MYH13: variants seen among roughly 807,000 people sequenced by gnomAD.
The protein encoded by MYH13 is myosin heavy chain 13.
Under a neutral mutation model 232.1 loss-of-function variants are expected in MYH13, and 177 were observed. That is an observed-to-expected ratio of 0.76 (90% CI 0.67 to 0.86). MYH13 has a LOEUF of 0.86. Ranked by LOEUF, MYH13 falls within the 40% of genes least tolerant of loss-of-function variation. MYH13 has a pLI of 0.00. For missense variants in MYH13, 2,246 were observed against 2,405.9 expected, an observed-to-expected ratio of 0.93 and a Z score of 1.39; for synonymous variants, 884 against 923.5, an observed-to-expected ratio of 0.96 and a Z score of 0.78.
At chr17:10,332,281 G>T (rs1472817283) in intron 19 of MYH13, 59 bp from the exon 20 acceptor site, 11 of 1,599,050 alleles carry the variant, frequency 6.9e-6, no homozygotes, top group Non-Finnish European at 8.6e-6. Flanking sequence ...TCATAGCTGA[G>T]ACCAGCCTTC....
intron 18 of MYH13, among the ~76,000 whole-genome samples, chr17:10,335,704 G>A (rs2071567977): frequency 6.6e-6 from 1 of 152,000 alleles, no homozygotes; most frequent in Non-Finnish European, 1.5e-5. Context: ...GCAGTGAGCT[G>A]AGATGGCGCC....
chr17:10,323,776 AAAAAAAAAAAAAAGAAGAAGAAGAAG>A (rs1161160114), intron 23 of MYH13, among the ~76,000 whole-genome samples: 3 of 103,144 alleles, frequency 2.9e-5, no homozygotes, highest in African/African-American at 1.0e-4. Flanking sequence ...AAAAAAAAAA[AAAAAAAAAAAAAAGAAGAAGAAGAAG>A]AAGAAGAAGA....
Position 10,360,071 on chromosome 17 carries a change from G to T in MYH13, c.534C>A (p.Thr178=). 1.2e-6 allele frequency: 2 copies of T among 1,614,030 alleles called. No individual in the cohort carries two copies. The highest frequency in any genetic ancestry group is 1.7e-5 in the Admixed American group (1 of 60,012). The part of the protein sequence containing the change: ...TDRDNQSILI[T]GESGAGKTVN... Reference sequence around the variant, plus strand: ...CAGTCTTCCCAGCCCCGGATTCTCCGCTGCCAATTTAAAAGTAAACGGGAT... The same window carrying T: ...CAGTCTTCCCAGCCCCGGATTCTCCTCTGCCAATTTAAAAGTAAACGGGAT... Residue 178 remains threonine, a splice_region_variant and synonymous_variant, in exon 7 of 41, where the codon ACC becomes ACA. Coordinates refer to ENST00000252172, the MANE Select transcript of MYH13 (RefSeq NM_003802.3).
At position 10,332,144 on chromosome 17, in the gene MYH13, G is replaced by T. The variant is rs748717248; in HGVS notation, c.2253C>A (p.Asn751Lys). The change falls in exon 20 of 41, where the codon AAC (asparagine) becomes AAA (lysine). Residue 751 changes from asparagine (N) to lysine (K), a missense_variant. By Grantham distance (94) the Asn-to-Lys change is moderately conservative (BLOSUM62 0). Transcript: ENST00000252172. ...ACTGCTCCCGGTCCACATCGATGGA[G>T]TTGAGGAGCTTCTCTGAGGCATTTT... ...DSKNASEKLL[N>K]SIDVDREQFR... 15 of 1,613,922 alleles carry T rather than the reference G, an allele frequency of 9.3e-6. No individual in the cohort carries two copies. In the African/African-American group the frequency reaches 2.0e-4, roughly 22 times the overall value.
At position 10,311,934 on chromosome 17, in the gene MYH13, C is replaced by T; in HGVS notation, c.4508G>A (p.Arg1503Lys). ...EEVVDQLETL[R>K]RENKNLQEEI... ...ACCTTGCAGATTTTTGTTCTCTCGC[C>T]TCAGTGTCTCTAACTGGTCCACCAC... is the stretch of plus-strand genomic sequence containing the variant. The change falls in exon 32 of 41, where the codon AGG (arginine) becomes AAG (lysine). Residue 1503 changes from arginine (R) to lysine (K), a missense_variant. By Grantham distance (26) the Arg-to-Lys change is conservative (BLOSUM62 2). Transcript: ENST00000252172. 2 of 1,613,970 alleles carry T rather than the reference C, an allele frequency of 1.2e-6. No homozygotes were observed. The highest frequency in any genetic ancestry group is 1.7e-6 in the Non-Finnish European group (2 of 1,179,900).
chr17:10,348,460 G>A (rs1001604482), intron 12 of MYH13, among the ~76,000 whole-genome samples: 1 of 152,196 alleles, frequency 6.6e-6, no homozygotes, highest in South Asian at 2.1e-4. Context: ...CATGTTATAC[G>A]GTTGTCGTGA....
In MYH13 at chr17:10,301,621, G is replaced by A; in HGVS notation, c.5750C>T (p.Ala1917Val). 6.2e-7 allele frequency: 1 copy of A among 1,614,204 alleles called. No homozygotes were observed. Among genetic ancestry groups the A allele is most frequent in the Non-Finnish European group, 8.5e-7 (1 of 1,180,046 alleles). The change falls in exon 40 of 41, where the codon GCT becomes GTT. Residue 1917 changes from alanine to valine, a missense_variant. Ala to Val is a moderately conservative substitution (Grantham distance 64, BLOSUM62 0). Transcript: ENST00000252172. ...CCTCAGCTTGTTGACCTGGGACTCA[G>A]CGATGTCCGCCCTCTCCGCGGCCTC... ...LEEAAERADIAESQVNKLRAK... is the reference protein window; with the variant it reads ...LEEAAERADIVESQVNKLRAK...
intron 11 of MYH13, among the ~76,000 whole-genome samples, chr17:10,352,378 C>CT (rs903141151): frequency 6.6e-6 from 1 of 152,044 alleles, no homozygotes; most frequent in Non-Finnish European, 1.5e-5. Context: ...GATCACAAGG[C>CT]TAGGAGTTCA....
chr17:10,351,386 A>C (rs2071709951), intron 11 of MYH13, among the ~76,000 whole-genome samples: 1 of 152,114 alleles, frequency 6.6e-6, no homozygotes, highest in Non-Finnish European at 1.5e-5. Flanking sequence ...AGAGTTTGGC[A>C]TTGTAATCCA....
In MYH13 at chr17:10,309,764, C is replaced by T. The variant is rs890967500; in HGVS notation, c.4723G>A (p.Glu1575Lys). The T allele has an allele frequency of 2.5e-6, 4 of 1,601,126 alleles. No individual in the cohort carries two copies. Among genetic ancestry groups the T allele is most frequent in the Admixed American group, 1.7e-5 (1 of 58,188 alleles). ...TTCTCAATGACCTTGCGGTCTAGCTCGGATTTCACCTGGCTCAGCTCTAGC... is the reference window on the plus strand; with the variant it reads ...TTCTCAATGACCTTGCGGTCTAGCTTGGATTTCACCTGGCTCAGCTCTAGC... ...VQLELSQVKS[E>K]LDRKVIEKDE... Residue 1575 changes from glutamate to lysine, a missense_variant, in exon 34 of 41, where the codon GAG becomes AAG. Coordinates refer to ENST00000252172, the MANE Select transcript of MYH13 (RefSeq NM_003802.3).
rs1233688735 is a variant in MYH13 at position 10,311,940 on chromosome 17, G to A, written c.4502C>T (p.Thr1501Ile). ...CAGATTTTTGTTCTCTCGCCTCAGT[G>A]TCTCTAACTGGTCCACCACCTCCTC... ...AYEEVVDQLE[T>I]LRRENKNLQE... The change falls in exon 32 of 41, where the codon ACA becomes ATA. Residue 1501 changes from threonine (T) to isoleucine (I), a missense_variant. Thr to Ile is a moderately conservative substitution (Grantham distance 89, BLOSUM62 -1). Transcript: ENST00000252172. The A allele has an allele frequency of 1.2e-6, 2 of 1,613,978 alleles. No homozygotes were observed. Among genetic ancestry groups the A allele is most frequent in the Middle Eastern group, 1.6e-4 (1 of 6,062 alleles).
At chr17:10,309,935 A>C in intron 33 of MYH13, 105 bp from the exon 34 acceptor site, 1 of 1,032,784 alleles carries the variant, frequency 9.7e-7, no homozygotes, top group East Asian at 3.0e-5. Flanking sequence ...TTTTAAAAAA[A>C]TTAAATTTAA....
At chr17:10,331,980 C>T (rs77339815) in intron 20 of MYH13, 119 bp downstream of exon 20, 60,611 of 1,300,054 alleles carry the variant, frequency 0.047, 1,595 homozygotes, top group South Asian at 0.055. Context: ...CTTACCTGGG[C>T]GACTGGGCAA....
intron 24 of MYH13, among the ~76,000 whole-genome samples, chr17:10,320,710 A>C (rs1360969022): frequency 1.3e-5 from 2 of 152,186 alleles, no homozygotes; most frequent in Non-Finnish European, 2.9e-5. Flanking sequence ...TGGATCCCTC[A>C]GGGGCCTCCT....
intron 19 of MYH13, among the ~76,000 whole-genome samples, chr17:10,332,856 G>T (rs566155966): frequency 6.6e-6 from 1 of 152,344 alleles, no homozygotes; most frequent in African/African-American, 2.4e-5. Context: ...CTGGTCTAGA[G>T]TCACAATCAG....
rs1415400241 is a variant in MYH13, at chr17:10,343,782, G to T, written c.1894+18C>A. 3 of 1,567,202 alleles carry T rather than the reference G, an allele frequency of 1.9e-6. No homozygotes were observed. Among genetic ancestry groups the T allele is most frequent in the Admixed American group, 1.9e-5 (1 of 53,928 alleles). The stretch of plus-strand genomic sequence containing the variant: ...ACATAGAACGTCCCACAGAGGGAAA[G>T]AAATGATAGAATTTTACCTGTCTCT... On this transcript the variant is annotated intron_variant, in intron 16 of 40. Coordinates refer to ENST00000252172, the MANE Select transcript of MYH13 (RefSeq NM_003802.3).
intron 11 of MYH13, chr17:10,350,904 T>C: frequency 1.6e-6 from 1 of 619,404 alleles, no homozygotes; most frequent in South Asian, 1.5e-5. Context: ...AAGATGTGAA[T>C]TGTCTGTTTC....
At position 10,315,692 on chromosome 17, in the gene MYH13, C is replaced by T; in HGVS notation, c.3984+1G>A. 3.1e-6 allele frequency: 5 copies of T among 1,613,410 alleles called. No homozygotes were observed. The highest frequency in any genetic ancestry group is 4.2e-6 in the Non-Finnish European group (5 of 1,179,574). The stretch of plus-strand genomic sequence containing the variant: ...GGTTCAATCTGACTCTATATCTTTA[C>T]CTTGGTTTCTTCTTCCATTTGCCTC... On this transcript the variant is annotated splice_donor_variant, in intron 29 of 40. Coordinates refer to ENST00000252172, the MANE Select transcript of MYH13 (RefSeq NM_003802.3). LOFTEE classifies it high-confidence loss of function.
chr17:10,342,751 C>A (rs1178930970), intron 16 of MYH13, among the ~76,000 whole-genome samples: 1 of 152,102 alleles, frequency 6.6e-6, no homozygotes, highest in Non-Finnish European at 1.5e-5. Flanking sequence ...GGCAAATCTA[C>A]AGGGACAGAA....
Sources: gnomAD v4.1 joint callset for allele counts (sites outside exome capture counted in the v4.1 genomes callset) on GRCh38, gnomAD v4.1.1 for gene constraint, MANE v1.5 for transcripts, NCBI Gene and HGNC (gene_info 2026-07-23, HGNC 2026-07-21) for gene names.